The following ARHGEF12 variants were observed in gnomAD, a reference collection of about 807,000 sequenced individuals.
The protein encoded by ARHGEF12 is Rho guanine nucleotide exchange factor 12.
A neutral mutation model predicts 211.2 loss-of-function variants in ARHGEF12; 66 were observed. The ratio of observed to expected loss-of-function variants is 0.31; its 90% CI spans 0.26 to 0.38. ARHGEF12 has a LOEUF of 0.38. ARHGEF12 is among the 10% of genes least tolerant of loss of function. The pLI is 1.00. For synonymous variants in ARHGEF12, 592 were observed against 638.4 expected (o/e 0.93, Z 1.09); for missense variants, 1,429 against 1,869.5 (o/e 0.76, Z 4.34).
chr11:120,431,703 A>T, intron 10 of ARHGEF12, 68 bp from the exon 11 acceptor site: 5 of 1,442,598 alleles, frequency 3.5e-6, no homozygotes, highest in Non-Finnish European at 4.6e-6. Context: ...CTATTTCTTT[A>T]TGCAGCAAGT....
At chr11:120,435,575 C>T (rs1045819628) in intron 11 of ARHGEF12, among the ~76,000 whole-genome samples, 7 of 141,332 alleles carry the variant, frequency 5.0e-5, no homozygotes, top group African/African-American at 1.3e-4. Context: ...AGTGCAGTGA[C>T]GCAATCTCAG....
At chr11:120,347,179 C>CTTTCTTTCTTTCTTTCTTT (rs1555090022) in intron 1 of ARHGEF12, among the ~76,000 whole-genome samples, 73 of 95,440 alleles carry the variant, frequency 7.6e-4, no homozygotes, top group Non-Finnish European at 1.3e-3. Flanking sequence ...TTCCTTCCTT[C>CTTTCTTTCTTTCTTTCTTT]CTTCCTTTCT....
intron 39 of ARHGEF12, among the ~76,000 whole-genome samples, chr11:120,483,725 C>T (rs1475859213): frequency 6.6e-6 from 1 of 152,222 alleles, no homozygotes; most frequent in Non-Finnish European, 1.5e-5. Context: ...CGCCATTCTC[C>T]TGCCTCAGCC....
chr11:120,460,599 G>A, intron 26 of ARHGEF12, 73 bp from the exon 27 acceptor site: 4 of 1,243,110 alleles, frequency 3.2e-6, no homozygotes, highest in South Asian at 2.7e-5. Flanking sequence ...AAAAAAATTA[G>A]CTACTCTGTA....
intron 1 of ARHGEF12, chr11:120,337,485 T>C (rs1294696990): frequency 1.0e-6 from 1 of 985,310 alleles, no homozygotes; most frequent in African/African-American, 1.7e-5. Context: ...GAAACTTCCC[T>C]TCCGATTCTC....
chr11:120,391,065 A>G (rs562705971), intron 1 of ARHGEF12, among the ~76,000 whole-genome samples: 3 of 152,300 alleles, frequency 2.0e-5, no homozygotes, highest in Non-Finnish European at 4.4e-5. Flanking sequence ...GTTTGAAGCT[A>G]TCACCTAGCA....
chr11:120,485,347 A>G lies in ARHGEF12; in HGVS notation c.*270A>G. ...TCATTTTGATTCAGAATAAAAACCA[A>G]ATGTATAGAGCTTTGGGTGTAGGAT... On this transcript the variant is annotated 3_prime_UTR_variant, in exon 41 of 41. Transcript: ENST00000397843. 1 of 405,888 alleles carries G rather than the reference A, an allele frequency of 2.5e-6. No homozygotes were observed. Among genetic ancestry groups the G allele is most frequent in the Non-Finnish European group, 4.5e-6 (1 of 224,276 alleles). The allele number at this position is 405,888 out of a possible 1,614,324, so 25.1% of individuals were successfully genotyped here.
chr11:120,364,064 C>T (rs1943354860), intron 1 of ARHGEF12, among the ~76,000 whole-genome samples: 2 of 152,184 alleles, frequency 1.3e-5, no homozygotes, highest in Non-Finnish European at 2.9e-5. Flanking sequence ...CCATTTCAGC[C>T]TCCCAACTAG....
intron 1 of ARHGEF12, among the ~76,000 whole-genome samples, chr11:120,358,595 A>T (rs1396990816): frequency 2.6e-5 from 4 of 152,232 alleles, no homozygotes; most frequent in Non-Finnish European, 5.9e-5. Flanking sequence ...TGGTAACCAC[A>T]AGACAAATGT....
At chr11:120,419,350 G>A (rs1449446713) in intron 4 of ARHGEF12, among the ~76,000 whole-genome samples, 1 of 150,328 alleles carries the variant, frequency 6.7e-6, no homozygotes, top group Non-Finnish European at 1.5e-5. Flanking sequence ...CCCACCCTAA[G>A]GTCTTTTTTT....
At chr11:120,371,459 G>A (rs746302156) in intron 1 of ARHGEF12, among the ~76,000 whole-genome samples, 2 of 152,196 alleles carry the variant, frequency 1.3e-5, no homozygotes, top group Non-Finnish European at 2.9e-5. Flanking sequence ...CTGCACTCCA[G>A]CCTGGTAACA....
rs77858665 is a variant in ARHGEF12 at position 120,379,375 on chromosome 11, G to T, written c.33-26743G>T. The stretch of plus-strand genomic sequence containing the variant: ...TAAAAAGTTTTACTTTCATTTAAAA[G>T]ATGTAAGCCTTTTATATATTTATTT... On this transcript the variant is annotated intron_variant, in intron 1 of 40. Transcript: ENST00000397843. Among the ~76,000 whole-genome samples, 1,269 of 151,926 alleles carry T rather than the reference G, an allele frequency of 8.4e-3. 86 individuals are homozygous for T. The South Asian group carries it at 0.16, about 19-fold the overall frequency.
intron 37 of ARHGEF12, 62 bp from the exon 38 acceptor site, chr11:120,479,898 T>C (rs1240366357): frequency 2.2e-6 from 3 of 1,394,950 alleles, no homozygotes; most frequent in East Asian, 4.6e-5. Flanking sequence ...AATTTAATTC[T>C]TGCAGCCTGA....
intron 16 of ARHGEF12, among the ~76,000 whole-genome samples, chr11:120,445,784 G>A (rs1946025994): frequency 6.6e-6 from 1 of 152,170 alleles, no homozygotes; most frequent in Non-Finnish European, 1.5e-5. Context: ...TGTAATCCCA[G>A]CTACTTAGGA....
chr11:120,420,926 C>T (rs535630194), intron 5 of ARHGEF12, 75 bp downstream of exon 5: 5 of 1,255,262 alleles, frequency 4.0e-6, no homozygotes, highest in Middle Eastern at 1.9e-4. Context: ...ATGGCAATTG[C>T]CAAGAATAGA....
At chr11:120,373,667 GT>G in intron 1 of ARHGEF12, among the ~76,000 whole-genome samples, 1 of 151,536 alleles carries the variant, frequency 6.6e-6, no homozygotes, top group Non-Finnish European at 1.5e-5. Context: ...AGGACTTTGG[GT>G]TTTTTTCACC....
At chr11:120,387,705 G>A (rs1305132659) in intron 1 of ARHGEF12, among the ~76,000 whole-genome samples, 3 of 152,066 alleles carry the variant, frequency 2.0e-5, no homozygotes, top group Admixed American at 6.6e-5. Context: ...CTATTTGAAA[G>A]TAGTTTACTA....
At chr11:120,437,945 A>G (rs1267094829) in intron 12 of ARHGEF12, among the ~76,000 whole-genome samples, 2 of 152,234 alleles carry the variant, frequency 1.3e-5, no homozygotes, top group African/African-American at 4.8e-5. Flanking sequence ...CATGACATGT[A>G]TATACACCAC....
intron 14 of ARHGEF12, 49 bp downstream of exon 14, chr11:120,441,866 T>C (rs769583982): frequency 1.9e-6 from 3 of 1,540,448 alleles, no homozygotes; most frequent in East Asian, 2.2e-5. Context: ...TGTTGATTCA[T>C]GTGCCATAGA....
Sources: allele counts gnomAD v4.1 joint callset (sites outside exome capture counted in the v4.1 genomes callset), GRCh38; gene constraint gnomAD v4.1.1; transcripts MANE v1.5; gene names NCBI Gene and HGNC (gene_info 2026-07-23, HGNC 2026-07-21).